The following SHISA9 variants were observed in gnomAD, a reference collection of about 807,000 sequenced individuals.
SHISA9 encodes the protein protein shisa-9.
Under a neutral mutation model 38.0 loss-of-function variants are expected in SHISA9, and 13 were observed. The observed-to-expected ratio is 0.34, with a 90% confidence interval of 0.22 to 0.54. The LOEUF (loss-of-function observed/expected upper bound fraction) is 0.54. SHISA9 is among the 20% of genes least tolerant of loss of function. The pLI is 0.91. For synonymous variants in SHISA9, 275 were observed against 242.0 expected (o/e 1.14, Z -1.27); for missense variants, 538 against 575.8 (o/e 0.93, Z 0.67).
the SHISA9 span, among the ~76,000 whole-genome samples, chr16:13,308,737 G>C: frequency 3.3e-5 from 5 of 152,262 alleles, no homozygotes; most frequent in Non-Finnish European, 2.9e-5. Flanking sequence ...ATTCAATATA[G>C]ATTGAACATT....
the SHISA9 span, among the ~76,000 whole-genome samples, chr16:13,549,489 G>A: frequency 6.6e-6 from 1 of 152,082 alleles, no homozygotes; most frequent in Non-Finnish European, 1.5e-5. Flanking sequence ...CATGGTTTGT[G>A]CAAAGTTTAG....
At chr16:13,234,936 G>C in intron 4 of SHISA9, 94 bp from the exon 5 acceptor site, 1 of 1,406,638 alleles carries the variant, frequency 7.1e-7, no homozygotes, top group South Asian at 1.5e-5. Flanking sequence ...TGCTGTTCTT[G>C]GGTTGACATG....
chr16:13,529,232 C>A, the SHISA9 span, among the ~76,000 whole-genome samples: 3 of 152,154 alleles, frequency 2.0e-5, no homozygotes, highest in African/African-American at 7.2e-5. Flanking sequence ...TAAATCCATG[C>A]CAGGCAAAAG....
intron 2 of SHISA9, among the ~76,000 whole-genome samples, chr16:12,940,712 G>A (rs557089256): frequency 6.6e-6 from 1 of 152,272 alleles, no homozygotes; most frequent in East Asian, 1.9e-4. Flanking sequence ...TGTCTTTGCG[G>A]CACTGAGCAT....
chr16:13,262,678 G>C, the SHISA9 span, among the ~76,000 whole-genome samples: 2 of 55,864 alleles, frequency 3.6e-5, no homozygotes, highest in African/African-American at 8.9e-5. Context: ...GGAAGGGAGG[G>C]AGGAAGGAAG....
intron 2 of SHISA9, among the ~76,000 whole-genome samples, chr16:13,195,182 C>A (rs1418890606): frequency 6.6e-6 from 1 of 152,126 alleles, no homozygotes; most frequent in Non-Finnish European, 1.5e-5. Flanking sequence ...GAACCAGGCT[C>A]CTTGAAGAAA....
At chr16:13,504,704 G>A in the SHISA9 span, among the ~76,000 whole-genome samples, 2 of 151,994 alleles carry the variant, frequency 1.3e-5, no homozygotes, top group Non-Finnish European at 2.9e-5. Context: ...ATTTCAACTG[G>A]GCATTGCTCC....
At chr16:13,525,024 T>C in the SHISA9 span, among the ~76,000 whole-genome samples, 1 of 152,162 alleles carries the variant, frequency 6.6e-6, no homozygotes, top group South Asian at 2.1e-4. Context: ...AGAACCACAA[T>C]ATAGTTCTCA....
At chr16:13,421,684 A>G in the SHISA9 span, among the ~76,000 whole-genome samples, 1 of 152,224 alleles carries the variant, frequency 6.6e-6, no homozygotes, top group African/African-American at 2.4e-5. Flanking sequence ...GTAAATTTTA[A>G]TTTATGTCAT....
intron 2 of SHISA9, among the ~76,000 whole-genome samples, chr16:12,982,296 T>A (rs552404733): frequency 1.3e-5 from 2 of 152,314 alleles, no homozygotes; most frequent in Admixed American, 1.3e-4. Flanking sequence ...AAAAATTCAG[T>A]TTCTCTGTCA....
At chr16:13,100,451 C>T (rs796655097) in intron 2 of SHISA9, among the ~76,000 whole-genome samples, 5 of 152,212 alleles carry the variant, frequency 3.3e-5, no homozygotes, top group African/African-American at 1.2e-4. Flanking sequence ...CCTGCATAGC[C>T]CTCGGGCTGG....
intron 2 of SHISA9, among the ~76,000 whole-genome samples, chr16:12,972,451 A>G (rs1020600717): frequency 6.6e-6 from 1 of 152,206 alleles, no homozygotes; most frequent in African/African-American, 2.4e-5. Context: ...TGAGAGTGAT[A>G]TATAATGAGG....
At chr16:12,933,833 G>A (rs1369026702) in intron 2 of SHISA9, among the ~76,000 whole-genome samples, 1 of 152,126 alleles carries the variant, frequency 6.6e-6, no homozygotes, top group Non-Finnish European at 1.5e-5. Context: ...CCAGGGTTCT[G>A]ACCACGGGAG....
the SHISA9 span, among the ~76,000 whole-genome samples, chr16:13,461,305 C>T: frequency 3.9e-5 from 6 of 152,162 alleles, no homozygotes; most frequent in Non-Finnish European, 7.4e-5. Flanking sequence ...TACAGCCAAG[C>T]GCAGTGGCTA....
At chr16:13,258,538 G>C in the SHISA9 span, 1 of 152,128 alleles carries the variant, frequency 6.6e-6, no homozygotes, top group Non-Finnish European at 1.5e-5. Context: ...TAGGAAATAG[G>C]GATGCAATGG....
the SHISA9 span, among the ~76,000 whole-genome samples, chr16:13,260,919 T>C: frequency 6.6e-6 from 1 of 152,160 alleles, no homozygotes; most frequent in Non-Finnish European, 1.5e-5. Flanking sequence ...CTCAGAATCA[T>C]GGCAGGAGGC....
intron 2 of SHISA9, among the ~76,000 whole-genome samples, chr16:12,983,876 GC>G (rs1271773866): frequency 2.6e-5 from 4 of 152,122 alleles, no homozygotes; most frequent in African/African-American, 9.7e-5. Context: ...TTTAGCTCAG[GC>G]TACTTTGAGG....
chr16:13,504,259 G>A, the SHISA9 span, among the ~76,000 whole-genome samples: 1 of 152,054 alleles, frequency 6.6e-6, no homozygotes, highest in Non-Finnish European at 1.5e-5. Flanking sequence ...AACACGTAAG[G>A]TTTCATTAGG....
At chr16:13,501,077 TC>T in the SHISA9 span, among the ~76,000 whole-genome samples, 4 of 152,124 alleles carry the variant, frequency 2.6e-5, no homozygotes, top group African/African-American at 9.7e-5. Flanking sequence ...AGGATAACCT[TC>T]CCAATGCCAA....
Sources: gnomAD v4.1 joint callset for allele counts (sites outside exome capture counted in the v4.1 genomes callset) on GRCh38, gnomAD v4.1.1 for gene constraint, MANE v1.5 for transcripts, NCBI Gene and HGNC (gene_info 2026-07-23, HGNC 2026-07-21) for gene names.